Variants in LARP4B observed in about 807,000 individuals in gnomAD.
LARP4B encodes la-related protein 4B.
Under a neutral mutation model 89.8 loss-of-function variants are expected in LARP4B, and 12 were observed. That is an observed-to-expected ratio of 0.13 (90% CI 0.09 to 0.22). LARP4B has a LOEUF of 0.22. LARP4B is among the 10% of genes least tolerant of loss of function. The pLI is 1.00. For missense variants in LARP4B, 757 were observed against 947.7 expected, an observed-to-expected ratio of 0.80 and a Z score of 2.64; for synonymous variants, 367 against 363.3, an observed-to-expected ratio of 1.01 and a Z score of -0.12.
At chr10:863,652 C>T (rs907485253) in intron 5 of LARP4B, 91 bp downstream of exon 5, 1 of 1,315,902 alleles carries the variant, frequency 7.6e-7, no homozygotes, top group Non-Finnish European at 1.0e-6. Flanking sequence ...AAGAAAGACC[C>T]ATTGTGTAGA....
chr10:904,925 G>A (rs1287872510), intron 1 of LARP4B, among the ~76,000 whole-genome samples: 1 of 152,242 alleles, frequency 6.6e-6, no homozygotes, highest in African/African-American at 2.4e-5. Context: ...GGCTGGGATG[G>A]TGACATCTTT....
At position 825,104 on chromosome 10, in the gene LARP4B, G is replaced by C; in HGVS notation, c.1445C>G (p.Pro482Arg). 2 of 1,614,220 alleles carry C rather than the reference G, an allele frequency of 1.2e-6. No homozygotes were observed. The highest frequency in any genetic ancestry group is 1.7e-6 in the Non-Finnish European group (2 of 1,180,046). ...ACCAGGAGAGGATTCGAGACTGCCT[G>C]GCTCCACACGCCCAGGCCCAGCCTC... is the stretch of plus-strand genomic sequence containing the variant. ...KREAGPGRVE[P>R]GSLESSPGLG... is the part of the protein sequence containing the mutation. Residue 482 changes from proline to arginine, a missense_variant, in exon 13 of 18, where the codon CCA becomes CGA. Pro to Arg is a moderately radical substitution (Grantham distance 103). Coordinates refer to ENST00000316157, the MANE Select transcript of LARP4B (RefSeq NM_015155.3).
At chr10:855,171 C>G (rs972517631) in intron 5 of LARP4B, among the ~76,000 whole-genome samples, 1 of 152,154 alleles carries the variant, frequency 6.6e-6, no homozygotes, top group East Asian at 1.9e-4. Context: ...CAAAGTTTCT[C>G]CATCTCAGCA....
the LARP4B span, among the ~76,000 whole-genome samples, chr10:959,823 T>A: frequency 4.0e-5 from 4 of 100,942 alleles, no homozygotes; most frequent in Admixed American, 1.0e-4. Context: ...CTCCTCGTCA[T>A]TCCCACCTCC....
At chr10:863,489 G>A (rs12766381) in intron 5 of LARP4B, among the ~76,000 whole-genome samples, 7 of 151,894 alleles carry the variant, frequency 4.6e-5, no homozygotes, top group Admixed American at 2.0e-4. Context: ...TCGGCCTCCC[G>A]AAGTGCTGGG....
At chr10:834,538 CAG>C (rs1833092512) in intron 8 of LARP4B, among the ~76,000 whole-genome samples, 1 of 152,230 alleles carries the variant, frequency 6.6e-6, no homozygotes, top group South Asian at 2.1e-4. Context: ...AATAATTATA[CAG>C]AGTCCTTGGG....
At chr10:966,325 G>A in the LARP4B span, among the ~76,000 whole-genome samples, 5 of 152,062 alleles carry the variant, frequency 3.3e-5, no homozygotes, top group East Asian at 1.9e-4. Flanking sequence ...GCATGGTGGC[G>A]CACACCTGTA....
At chr10:937,362 C>G in the LARP4B span, among the ~76,000 whole-genome samples, 7 of 152,122 alleles carry the variant, frequency 4.6e-5, no homozygotes, top group Non-Finnish European at 8.8e-5. Context: ...TTAAAAATCA[C>G]TATCTTGTAA....
At chr10:937,990 T>C in the LARP4B span, among the ~76,000 whole-genome samples, 2 of 151,518 alleles carry the variant, frequency 1.3e-5, no homozygotes. Context: ...GTTCAAGCGA[T>C]TCTCGTGCCT....
the LARP4B span, among the ~76,000 whole-genome samples, chr10:945,678 A>T: frequency 7.3e-6 from 1 of 137,068 alleles, no homozygotes; most frequent in Non-Finnish European, 1.6e-5. Flanking sequence ...ACAGAGCGAG[A>T]CTCCGTCTCA....
At chr10:918,997 C>A (rs1305905288) in intron 1 of LARP4B, among the ~76,000 whole-genome samples, 1 of 152,072 alleles carries the variant, frequency 6.6e-6, no homozygotes, top group East Asian at 1.9e-4. Flanking sequence ...AGGAGAATGG[C>A]GTGAACCCGA....
chr10:936,088 T>C (rs1830745642), upstream of LARP4B, among the ~76,000 whole-genome samples: 1 of 152,198 alleles, frequency 6.6e-6, no homozygotes, highest in South Asian at 2.1e-4. Flanking sequence ...TTCTCCAATG[T>C]GTAGCCGCAT....
chr10:821,533 G>C (rs1171112382), intron 13 of LARP4B, among the ~76,000 whole-genome samples: 1 of 152,206 alleles, frequency 6.6e-6, no homozygotes, highest in Non-Finnish European at 1.5e-5. Context: ...GGATGGCCAA[G>C]ACATTCCCAT....
intron 3 of LARP4B, among the ~76,000 whole-genome samples, chr10:881,602 G>A (rs533084861): frequency 6.6e-6 from 1 of 152,282 alleles, no homozygotes. Flanking sequence ...TGGAACTCAG[G>A]TAAACTTAAT....
chr10:826,413 T>TATGCACATTATTCCCC (rs1240179810), intron 11 of LARP4B, among the ~76,000 whole-genome samples: 1 of 152,170 alleles, frequency 6.6e-6, no homozygotes, highest in East Asian at 1.9e-4. Flanking sequence ...AGTCACAAGG[T>TATGCACATTATTCCCC]AAGTATGGCA....
the LARP4B span, among the ~76,000 whole-genome samples, chr10:967,537 G>T: frequency 7.9e-5 from 12 of 152,146 alleles, no homozygotes; most frequent in Admixed American, 7.9e-4. Flanking sequence ...ACATTTAAAA[G>T]AAACGAGTTC....
rs570871082 is a variant in LARP4B at position 810,905 on chromosome 10, T to G, written c.*2021A>C. ...TTCTCTGTATTTGAATAATGGCAACTGCTTTAAAGGAAATGGTCAAATAGG... is the reference window on the plus strand; with the variant it reads ...TTCTCTGTATTTGAATAATGGCAACGGCTTTAAAGGAAATGGTCAAATAGG... On this transcript the variant is annotated 3_prime_UTR_variant, in exon 18 of 18. Transcript: ENST00000316157. The G allele has an allele frequency of 6.6e-6, 1 of 152,202 alleles. No homozygotes were observed. The highest frequency in any genetic ancestry group is 1.9e-4 in the East Asian group (1 of 5,180). 9.4% of individuals were successfully genotyped at this position (152,202 alleles called of 1,614,324 possible).
chr10:963,630 A>C, the LARP4B span, among the ~76,000 whole-genome samples: 1 of 152,266 alleles, frequency 6.6e-6, no homozygotes, highest in Non-Finnish European at 1.5e-5. Flanking sequence ...AGATGCCTTC[A>C]GTGACAATGT....
At chr10:937,117 A>G in the LARP4B span, among the ~76,000 whole-genome samples, 1 of 152,142 alleles carries the variant, frequency 6.6e-6, no homozygotes, top group East Asian at 1.9e-4. Context: ...ATCCCAGCTC[A>G]CTGCAGTCTC....
Sources: gnomAD v4.1 joint callset for allele counts (sites outside exome capture counted in the v4.1 genomes callset) on GRCh38, gnomAD v4.1.1 for gene constraint, MANE v1.5 for transcripts, NCBI Gene and HGNC (gene_info 2026-07-23, HGNC 2026-07-21) for gene names.